Variants in LNPEP observed in about 807,000 individuals in gnomAD.
LNPEP encodes the protein leucyl-cystinyl aminopeptidase.
Under a neutral mutation model 120.6 loss-of-function variants are expected in LNPEP, and 64 were observed. That is an observed-to-expected ratio of 0.53 (90% CI 0.43 to 0.65). The LOEUF is 0.65. Among genes scored for constraint, LNPEP ranks in the 30% least tolerant of loss-of-function variants. LNPEP has a pLI of 0.00. For missense variants in LNPEP, 1,057 were observed against 1,200.0 expected, an observed-to-expected ratio of 0.88 and a Z score of 1.76; for synonymous variants, 435 against 425.4, an observed-to-expected ratio of 1.02 and a Z score of -0.28.
intron 1 of LNPEP, among the ~76,000 whole-genome samples, chr5:96,944,938 A>G (rs891979366): frequency 3.3e-5 from 5 of 152,168 alleles, no homozygotes; most frequent in African/African-American, 9.7e-5. Context: ...CCTGGAATCC[A>G]TAGAAAGGAG....
chr5:97,009,640 A>G (rs930957416), intron 11 of LNPEP, among the ~76,000 whole-genome samples: 18 of 152,040 alleles, frequency 1.2e-4, no homozygotes, highest in African/African-American at 4.1e-4. Flanking sequence ...ACATGATGAA[A>G]GTAGTGTCTG....
intron 8 of LNPEP, among the ~76,000 whole-genome samples, chr5:97,000,102 CT>C (rs1790610449): frequency 6.6e-6 from 1 of 152,026 alleles, no homozygotes; most frequent in African/African-American, 2.4e-5. Flanking sequence ...TAGAGACTGA[CT>C]GTATACAAAT....
chr5:96,974,696 C>G (rs1168693332), intron 1 of LNPEP, among the ~76,000 whole-genome samples: 2 of 152,202 alleles, frequency 1.3e-5, no homozygotes, highest in Non-Finnish European at 2.9e-5. Flanking sequence ...CTTCTTTGGG[C>G]CCCTGGAATC....
At chr5:96,959,037 G>A (rs1295656177) in intron 1 of LNPEP, among the ~76,000 whole-genome samples, 1 of 152,044 alleles carries the variant, frequency 6.6e-6, no homozygotes, top group African/African-American at 2.4e-5. Context: ...TGTTGGCCAG[G>A]ATGGTCTTGA....
intron 11 of LNPEP, chr5:97,010,567 A>G (rs1482886509): frequency 2.0e-6 from 2 of 985,038 alleles, no homozygotes; most frequent in African/African-American, 1.7e-5. Flanking sequence ...ACTTTGTAGT[A>G]AAAACGGGTT....
At chr5:97,015,631 T>C (rs1350403810) in intron 13 of LNPEP, among the ~76,000 whole-genome samples, 2 of 152,144 alleles carry the variant, frequency 1.3e-5, no homozygotes, top group African/African-American at 2.4e-5. Flanking sequence ...ACAGTTGTTA[T>C]TTTGGATACT....
chr5:96,979,892 G>A lies in LNPEP; in HGVS notation c.774G>A (p.Thr258=), dbSNP rs77926458. 252 of 1,613,856 alleles carry A rather than the reference G, an allele frequency of 1.6e-4. 1 individual carries two copies. In the East Asian group the frequency reaches 2.1e-3, roughly 14 times the overall value. The stretch of plus-strand genomic sequence containing the variant: ...CCCTTCTAGCAGGGCACAATTATAC[G>A]TTGAAGATAGAGTACTCGGCAAATA... The part of the protein sequence containing the change: ...PEALLAGHNY[T]LKIEYSANIS... Residue 258 remains threonine (T), a synonymous_variant, in exon 2 of 18, where the codon ACG becomes ACA. Transcript: ENST00000231368.
rs1790450464 is a variant in LNPEP at position 96,993,959 on chromosome 5, G to T, written c.1395G>T (p.Glu465Asp). 1 of 1,613,662 alleles carries T rather than the reference G, an allele frequency of 6.2e-7. No homozygotes were observed. Among genetic ancestry groups the T allele is most frequent in the Non-Finnish European group, 8.5e-7 (1 of 1,179,742 alleles). The change falls in exon 6 of 18, where the codon GAG becomes GAT. Residue 465 changes from glutamate to aspartate, a missense_variant. Physicochemically the swap from Glu to Asp is conservative, Grantham distance 45. Coordinates refer to ENST00000231368, the MANE Select transcript of LNPEP (RefSeq NM_005575.3). ...RKLVTKIIAH[E>D]LAHQWFGNLV... is the part of the protein sequence containing the mutation. The stretch of plus-strand genomic sequence containing the variant: ...TGGTGACTAAAATCATTGCTCATGA[G>T]CTGGCCCACCAGGTATTAGCAACCA...
In LNPEP at chr5:97,036,277, G is replaced by T. The variant is rs1325976517; in HGVS notation, c.*7744G>T. On this transcript the variant is annotated 3_prime_UTR_variant, in exon 18 of 18. Coordinates refer to ENST00000231368, the MANE Select transcript of LNPEP (RefSeq NM_005575.3). ...TTCTATCTTTCATCCCCCACATGTG[G>T]CAAGACAAGTTGGCCCTTTCTTACC... 1 of 152,094 alleles carries T rather than the reference G, an allele frequency of 6.6e-6. No homozygotes were observed. The highest frequency in any genetic ancestry group is 1.5e-5 in the Non-Finnish European group (1 of 68,008). The allele number at this position is 152,094 out of a possible 1,614,324, so 9.4% of individuals were successfully genotyped here. A position where few individuals can be genotyped will look rare whatever the true frequency, so the allele number is the denominator to read the frequency against.
chr5:96,998,483 A>G (rs1790570874), intron 8 of LNPEP, among the ~76,000 whole-genome samples: 1 of 152,206 alleles, frequency 6.6e-6, no homozygotes, highest in Non-Finnish European at 1.5e-5. Context: ...GTTACTCAGA[A>G]TTGAGGTATG....
At chr5:96,939,908 T>C (rs991926818) in intron 1 of LNPEP, among the ~76,000 whole-genome samples, 1 of 152,232 alleles carries the variant, frequency 6.6e-6, no homozygotes, top group Non-Finnish European at 1.5e-5. Flanking sequence ...CTCAAAAATG[T>C]GAGCATACCA....
At chr5:96,998,662 G>T (rs748633329) in intron 8 of LNPEP, among the ~76,000 whole-genome samples, 1 of 152,142 alleles carries the variant, frequency 6.6e-6, no homozygotes, top group Non-Finnish European at 1.5e-5. Context: ...TAGTGATAAC[G>T]GTGTCATTCA....
chr5:96,985,035 A>G (rs749802607), intron 2 of LNPEP, 45 bp from the exon 3 acceptor site: 6 of 1,608,268 alleles, frequency 3.7e-6, no homozygotes, highest in African/African-American at 1.3e-5. Context: ...TGCCTTGTAC[A>G]GTAGGTGCTC....
chr5:96,948,764 C>T (rs1789252049), intron 1 of LNPEP, among the ~76,000 whole-genome samples: 1 of 152,184 alleles, frequency 6.6e-6, no homozygotes, highest in South Asian at 2.1e-4. Flanking sequence ...AGTCCCACAC[C>T]TTTTACTGGA....
At position 96,979,477 on chromosome 5, in the gene LNPEP, T is replaced by C. The variant is rs1363150437; in HGVS notation, c.359T>C (p.Val120Ala). 6.2e-7 allele frequency: 1 copy of C among 1,614,020 alleles called. No homozygotes were observed. The highest frequency in any genetic ancestry group is 8.5e-7 in the Non-Finnish European group (1 of 1,179,994). ...GTGGTCTGTGCTTTTGTCATCGTGG[T>C]TGCTGTTTCTGTAATCATGGTGATT... ...TMVVCAFVIV[V>A]AVSVIMVIYL... The change falls in exon 2 of 18, where the codon GTT becomes GCT. Residue 120 changes from valine (V) to alanine (A), a missense_variant. By Grantham distance (64) the Val-to-Ala change is moderately conservative. Coordinates refer to ENST00000231368, the MANE Select transcript of LNPEP (RefSeq NM_005575.3).
At chr5:96,943,164 T>C (rs191578670) in intron 1 of LNPEP, 1 of 509,172 alleles carries the variant, frequency 2.0e-6, no homozygotes, top group Non-Finnish European at 2.9e-6. Flanking sequence ...GGAGTTGAGG[T>C]TGAAGTCACC....
chr5:96,971,674 A>G (rs1399369860), intron 1 of LNPEP, among the ~76,000 whole-genome samples: 1 of 151,976 alleles, frequency 6.6e-6, no homozygotes, highest in Non-Finnish European at 1.5e-5. Flanking sequence ...CCAATCTGCC[A>G]TTAAGTCCAT....
intron 2 of LNPEP, among the ~76,000 whole-genome samples, chr5:96,980,996 C>G (rs912385884): frequency 6.6e-6 from 1 of 152,096 alleles, no homozygotes; most frequent in Non-Finnish European, 1.5e-5. Flanking sequence ...TCAATTCTTG[C>G]GTGAGATCTG....
In LNPEP at chr5:97,028,800, A is replaced by T. The variant is rs1791410147; in HGVS notation, c.*267A>T. On this transcript the variant is annotated 3_prime_UTR_variant, in exon 18 of 18. Transcript: ENST00000231368. ...AATGAGTAATTTTTCTACTTTGAAG[A>T]TACACAGATGGGGACAAAAACCCTG... The T allele has an allele frequency of 3.3e-6, 1 of 300,486 alleles. No individual in the cohort carries two copies. Among genetic ancestry groups the T allele is most frequent in the African/African-American group, 2.2e-5 (1 of 45,042 alleles). 18.6% of individuals were successfully genotyped at this position (300,486 alleles called of 1,614,324 possible).
Sources: gnomAD v4.1 joint callset for allele counts (sites outside exome capture counted in the v4.1 genomes callset) on GRCh38, gnomAD v4.1.1 for gene constraint, MANE v1.5 for transcripts, NCBI Gene and HGNC (gene_info 2026-07-23, HGNC 2026-07-21) for gene names.